CYP19A1: variants seen among roughly 807,000 people sequenced by gnomAD.
The protein encoded by CYP19A1 is aromatase.
CYP19A1 carries 32 observed loss-of-function variants against 44.4 expected under a neutral mutation model. The observed-to-expected ratio is 0.72, with a 90% CI of 0.54 to 0.97. CYP19A1 has a LOEUF of 0.97. Among genes scored for constraint, CYP19A1 ranks in the 50% least tolerant of loss-of-function variants. The probability of loss-of-function intolerance (pLI) is 0.00; values close to 1 mark genes in which losing one functional copy is unlikely to be tolerated. For synonymous variants in CYP19A1, 212 were observed against 215.6 expected (o/e 0.98, Z 0.14); for missense variants, 598 against 637.8 (o/e 0.94, Z 0.67).
intron 1 of CYP19A1, among the ~76,000 whole-genome samples, chr15:51,249,733 T>G (rs915460960): frequency 1.3e-5 from 2 of 152,202 alleles, no homozygotes; most frequent in African/African-American, 4.8e-5. Flanking sequence ...GTATCAGGAC[T>G]GGAAAGAAAT....
chr15:51,271,489 A>T (rs1168746420), intron 1 of CYP19A1, among the ~76,000 whole-genome samples: 3 of 152,218 alleles, frequency 2.0e-5, no homozygotes, highest in Admixed American at 2.0e-4. Context: ...TTTGGGTGAC[A>T]TATTTAACAT....
intron 1 of CYP19A1, among the ~76,000 whole-genome samples, chr15:51,284,115 A>T (rs543986097): frequency 6.6e-6 from 1 of 152,166 alleles, no homozygotes; most frequent in Non-Finnish European, 1.5e-5. Flanking sequence ...CTGCCTCCCC[A>T]GGAGAAAGAA....
chr15:51,273,760 C>T (rs1245007670), intron 1 of CYP19A1, among the ~76,000 whole-genome samples: 1 of 152,118 alleles, frequency 6.6e-6, no homozygotes, highest in South Asian at 2.1e-4. Flanking sequence ...AATCCCAGCA[C>T]TTTGGGAGGC....
intron 1 of CYP19A1, among the ~76,000 whole-genome samples, chr15:51,308,088 A>G (rs2036246494): frequency 6.6e-6 from 1 of 152,156 alleles, no homozygotes; most frequent in East Asian, 1.9e-4. Context: ...AAGGTAGGAG[A>G]CTGGCAAGAA....
At chr15:51,322,704 A>G (rs2036547057) in intron 1 of CYP19A1, among the ~76,000 whole-genome samples, 1 of 152,146 alleles carries the variant, frequency 6.6e-6, no homozygotes, top group African/African-American at 2.4e-5. Context: ...GGATTTTGCA[A>G]GTGCATTTAA....
intron 1 of CYP19A1, among the ~76,000 whole-genome samples, chr15:51,269,311 T>G (rs1320419149): frequency 6.6e-6 from 1 of 152,178 alleles, no homozygotes; most frequent in African/African-American, 2.4e-5. Flanking sequence ...CTTAGTACTT[T>G]TATTAAAAAT....
chr15:51,224,363 A>T (rs2032396878), intron 4 of CYP19A1, among the ~76,000 whole-genome samples: 2 of 152,222 alleles, frequency 1.3e-5, no homozygotes, highest in Admixed American at 6.5e-5. Flanking sequence ...ACCCTCATTG[A>T]TTATAGAAAT....
At chr15:51,247,268 T>G (rs531544141) in intron 1 of CYP19A1, among the ~76,000 whole-genome samples, 22 of 152,086 alleles carry the variant, frequency 1.4e-4, no homozygotes, top group Non-Finnish European at 3.1e-4. Context: ...ATTATTTTCC[T>G]CTCTTAAGCT....
At chr15:51,260,719 G>A (rs557714308) in intron 1 of CYP19A1, among the ~76,000 whole-genome samples, 1 of 152,250 alleles carries the variant, frequency 6.6e-6, no homozygotes, top group East Asian at 1.9e-4. Flanking sequence ...GTAGTAAAGA[G>A]GGCTCACTAA....
intron 1 of CYP19A1, among the ~76,000 whole-genome samples, chr15:51,323,610 C>A (rs995900621): frequency 1.3e-5 from 2 of 151,756 alleles, no homozygotes; most frequent in Admixed American, 1.3e-4. Context: ...CACAAGATAA[C>A]ATGAAAGTGC....
intron 1 of CYP19A1, among the ~76,000 whole-genome samples, chr15:51,250,964 C>T (rs1391670832): frequency 6.6e-6 from 1 of 152,160 alleles, no homozygotes. Flanking sequence ...CAGGAGCAGG[C>T]TTTAGGGTCA....
intron 1 of CYP19A1, among the ~76,000 whole-genome samples, chr15:51,274,085 T>C (rs1455026590): frequency 1.3e-5 from 2 of 152,116 alleles, no homozygotes; most frequent in Non-Finnish European, 2.9e-5. Flanking sequence ...GGAGACTTCC[T>C]TTGCACCAGG....
rs367856250 is a variant in CYP19A1 at position 51,300,051 on chromosome 15, C to T, written c.-39+38444G>A. Reference sequence around the variant, plus strand: ...GCAACAGGAAGAGTGAAACGGCAACCGGTAGGCAGGACCAAACCATTGTCA... The same window carrying T: ...GCAACAGGAAGAGTGAAACGGCAACTGGTAGGCAGGACCAAACCATTGTCA... On this transcript the variant is annotated intron_variant, in intron 1 of 9. Transcript: ENST00000396402. Among the ~76,000 whole-genome samples the T allele has an allele frequency of 5.9e-5, 9 of 152,182 alleles. No individual in the cohort carries two copies. In the East Asian group the frequency reaches 1.3e-3, roughly 23 times the overall value.
chr15:51,300,463 G>T (rs542803242), intron 1 of CYP19A1, among the ~76,000 whole-genome samples: 44 of 152,226 alleles, frequency 2.9e-4, no homozygotes, highest in Non-Finnish European at 6.0e-4. Context: ...AGATGATTGG[G>T]TGTGATAGAG....
intron 3 of CYP19A1, 49 bp downstream of exon 3, chr15:51,236,810 A>T (rs776647878): frequency 6.2e-7 from 1 of 1,610,738 alleles, no homozygotes. Flanking sequence ...AGTGGAAAAA[A>T]CTCCAGCCTC....
chr15:51,283,623 T>G (rs757035504), intron 1 of CYP19A1, among the ~76,000 whole-genome samples: 1 of 152,132 alleles, frequency 6.6e-6, no homozygotes, highest in African/African-American at 2.4e-5. Context: ...GTCGGCAATT[T>G]GGACACAAAA....
chr15:51,218,137 T>C (rs2031746188), intron 6 of CYP19A1, among the ~76,000 whole-genome samples: 1 of 152,212 alleles, frequency 6.6e-6, no homozygotes, highest in Admixed American at 6.5e-5. Context: ...AGTTGAATTA[T>C]GTTAAATTCA....
intron 1 of CYP19A1, among the ~76,000 whole-genome samples, chr15:51,295,775 C>T (rs1417527086): frequency 6.6e-6 from 1 of 152,160 alleles, no homozygotes; most frequent in Admixed American, 6.5e-5. Flanking sequence ...TCCCTCGGGT[C>T]CAGTTCTGGA....
intron 1 of CYP19A1, among the ~76,000 whole-genome samples, chr15:51,331,380 G>C (rs1237846370): frequency 1.3e-5 from 2 of 152,164 alleles, no homozygotes; most frequent in African/African-American, 2.4e-5. Flanking sequence ...AGGTGAAGAA[G>C]ATGAGTCAGC....
Sources: gnomAD v4.1 joint callset for allele counts (sites outside exome capture counted in the v4.1 genomes callset) on GRCh38, gnomAD v4.1.1 for gene constraint, MANE v1.5 for transcripts, NCBI Gene and HGNC (gene_info 2026-07-23, HGNC 2026-07-21) for gene names.